The following ANAPC1 variants were observed in gnomAD, a reference collection of about 807,000 sequenced individuals.
ANAPC1 encodes the protein anaphase promoting complex subunit 1, also known as anaphase-promoting complex subunit 1.
Under a neutral mutation model 208.0 loss-of-function variants are expected in ANAPC1, and 36 were observed. The observed-to-expected ratio is 0.17, with a 90% CI of 0.13 to 0.23. ANAPC1 has a LOEUF of 0.23. ANAPC1 is among the 10% of genes least tolerant of loss of function. ANAPC1 has a pLI of 1.00. For synonymous variants in ANAPC1, 378 were observed against 695.2 expected (o/e 0.54, Z 7.18); for missense variants, 942 against 2,011.6 (o/e 0.47, Z 10.17).
chr2:111,774,175 G>T (rs1347320652), intron 46 of ANAPC1, among the ~76,000 whole-genome samples: 2 of 151,888 alleles, frequency 1.3e-5, no homozygotes, highest in Non-Finnish European at 2.9e-5. Context: ...AAAGGAGCAA[G>T]GATGACTTCC....
intron 21 of ANAPC1, among the ~76,000 whole-genome samples, chr2:111,826,490 A>G (rs939558825): frequency 4.6e-5 from 7 of 152,148 alleles, no homozygotes; most frequent in Non-Finnish European, 1.0e-4. Flanking sequence ...TTAACTTAGC[A>G]TAAGTCTTTG....
At chr2:111,875,825 TA>T (rs1682997678) in intron 3 of ANAPC1, among the ~76,000 whole-genome samples, 1 of 152,190 alleles carries the variant, frequency 6.6e-6, no homozygotes, top group South Asian at 2.1e-4. Context: ...TCTTTTTCCA[TA>T]ATTCTTTTTG....
chr2:111,826,173 C>A (rs1291460205), intron 21 of ANAPC1, among the ~76,000 whole-genome samples: 1 of 152,160 alleles, frequency 6.6e-6, no homozygotes, highest in Non-Finnish European at 1.5e-5. Flanking sequence ...TAGGTATGAG[C>A]CACCACACCT....
chr2:111,852,757 AG>A (rs1681474922), intron 13 of ANAPC1, among the ~76,000 whole-genome samples: 1 of 152,072 alleles, frequency 6.6e-6, no homozygotes. Context: ...AAAAAAAAAC[AG>A]AAGACAAATA....
At chr2:111,834,471 G>C in intron 19 of ANAPC1, 133 bp downstream of exon 19, 1 of 1,223,638 alleles carries the variant, frequency 8.2e-7, no homozygotes, top group Non-Finnish European at 1.1e-6. Context: ...GGTTTACAGA[G>C]ATGCCCTAGT....
chr2:111,773,253 C>A (rs1216532578), intron 46 of ANAPC1, among the ~76,000 whole-genome samples: 31 of 152,170 alleles, frequency 2.0e-4, no homozygotes, highest in African/African-American at 7.5e-4. Flanking sequence ...GAAATTCCCT[C>A]ATTCTCATCA....
At chr2:111,863,605 T>G in intron 9 of ANAPC1, 70 bp downstream of exon 9, 1 of 1,455,846 alleles carries the variant, frequency 6.9e-7, no homozygotes, top group Non-Finnish European at 9.4e-7. Context: ...AAAACAGCTG[T>G]CAACAGAAAT....
chr2:111,873,013 A>G lies in ANAPC1; in HGVS notation c.528+295T>C, dbSNP rs1573514630. 3.3e-5 allele frequency: 15 copies of G among 460,008 alleles called. No homozygotes were observed. In the East Asian group the frequency reaches 5.6e-4, roughly 17 times the overall value. 28.5% of individuals were successfully genotyped at this position (460,008 alleles called of 1,614,324 possible). On this transcript the variant is annotated intron_variant, in intron 5 of 47. Transcript: ENST00000341068. ...ATTAAAAAGACGATGAGTAACAAAA[A>G]AAGACTGGTGTTATTCATATGCCTT...
intron 16 of ANAPC1, among the ~76,000 whole-genome samples, chr2:111,846,880 T>C (rs1681117906): frequency 6.6e-6 from 1 of 152,046 alleles, no homozygotes; most frequent in South Asian, 2.1e-4. Flanking sequence ...GGCATGTCCA[T>C]ATATTATTAT....
At chr2:111,877,132 T>C (rs866241053) in intron 3 of ANAPC1, among the ~76,000 whole-genome samples, 1 of 150,650 alleles carries the variant, frequency 6.6e-6, no homozygotes, top group Non-Finnish European at 1.5e-5. Flanking sequence ...AAAATAAAGA[T>C]GTTCTCCTAT....
chr2:111,874,702 C>G (rs1682931966), intron 3 of ANAPC1, among the ~76,000 whole-genome samples: 1 of 152,236 alleles, frequency 6.6e-6, no homozygotes, highest in African/African-American at 2.4e-5. Context: ...TACCTTTTGG[C>G]TATCATAAAT....
In ANAPC1 at chr2:111,874,407, C is replaced by T. The variant is rs183990695; in HGVS notation, c.376-743G>A. The stretch of plus-strand genomic sequence containing the variant: ...TTTTTCCTCATCTCAAACAGAAACT[C>T]CGTGCCCATTAAACAATACTCCCCA... On this transcript the variant is annotated intron_variant, in intron 3 of 47. Coordinates refer to ENST00000341068, the MANE Select transcript of ANAPC1 (RefSeq NM_022662.4). 6.0e-3 allele frequency among the ~76,000 whole-genome samples: 918 copies of T among 152,184 alleles called. 8 individuals are homozygous for T. Among genetic ancestry groups the T allele is most frequent in the Middle Eastern group, 0.037 (11 of 294 alleles).
chr2:111,788,092 A>G lies in ANAPC1; in HGVS notation c.4799+142T>C, dbSNP rs543277272. The stretch of plus-strand genomic sequence containing the variant: ...ATACTTTGTGAGATAATTTTCTTAA[A>G]AGATTTAGCCAGGAATATAACTAAG... On this transcript the variant is annotated intron_variant, in intron 39 of 47. Coordinates refer to ENST00000341068, the MANE Select transcript of ANAPC1 (RefSeq NM_022662.4). 31 of 1,274,582 alleles carry G rather than the reference A, an allele frequency of 2.4e-5. No individual in the cohort carries two copies. In the East Asian group the frequency reaches 8.1e-4, roughly 33 times the overall value. The allele number at this position is 1,274,582 out of a possible 1,614,324, so 79.0% of individuals were successfully genotyped here. A position where few individuals can be genotyped will look rare whatever the true frequency, so the allele number is the denominator to read the frequency against.
At chr2:111,839,497 T>C (rs1680643857) in intron 17 of ANAPC1, among the ~76,000 whole-genome samples, 1 of 152,196 alleles carries the variant, frequency 6.6e-6, no homozygotes, top group African/African-American at 2.4e-5. Flanking sequence ...TATTTTCCTA[T>C]GCTGAAAAAC....
chr2:111,775,041 G>A (rs961040974), intron 46 of ANAPC1, among the ~76,000 whole-genome samples: 21 of 152,308 alleles, frequency 1.4e-4, no homozygotes, highest in African/African-American at 4.3e-4. Flanking sequence ...GCCAAGGCAC[G>A]TAGATCATGA....
intron 1 of ANAPC1, among the ~76,000 whole-genome samples, chr2:111,881,362 G>C (rs1318935793): frequency 1.3e-5 from 2 of 152,064 alleles, no homozygotes; most frequent in African/African-American, 2.4e-5. Flanking sequence ...ATCTACAAAA[G>C]ACATAGGTTT....
At chr2:111,829,334 G>T (rs1481962965) in intron 21 of ANAPC1, among the ~76,000 whole-genome samples, 1 of 152,034 alleles carries the variant, frequency 6.6e-6, no homozygotes, top group Non-Finnish European at 1.5e-5. Context: ...TTGGAGCCAT[G>T]GGGGGGACTG....
At chr2:111,792,594 T>G in intron 37 of ANAPC1, 39 bp from the exon 38 acceptor site, 2 of 1,576,854 alleles carry the variant, frequency 1.3e-6, no homozygotes, top group Non-Finnish European at 1.7e-6. Flanking sequence ...AACTGTTGTG[T>G]TACATTTCTT....
At chr2:111,789,984 GAC>G (rs1337513117) in intron 38 of ANAPC1, among the ~76,000 whole-genome samples, 4 of 151,646 alleles carry the variant, frequency 2.6e-5, no homozygotes, top group African/African-American at 9.7e-5. Flanking sequence ...ATTAAAGAAA[GAC>G]AATTCCACAA....
Sources: gnomAD v4.1 joint callset for allele counts (sites outside exome capture counted in the v4.1 genomes callset) on GRCh38, gnomAD v4.1.1 for gene constraint, MANE v1.5 for transcripts, NCBI Gene and HGNC (gene_info 2026-07-23, HGNC 2026-07-21) for gene names.